The following LARP1B variants were observed in gnomAD, a reference collection of about 807,000 sequenced individuals.
LARP1B encodes the protein La ribonucleoprotein 1B.
Under a neutral mutation model 114.2 loss-of-function variants are expected in LARP1B, and 76 were observed. The ratio of observed to expected loss-of-function variants is 0.67; its 90% CI spans 0.55 to 0.81. The LOEUF is 0.81. Ranked by LOEUF, LARP1B falls within the 30% of genes least tolerant of loss-of-function variation. The pLI, the probability that LARP1B is intolerant of heterozygous loss-of-function variation, is 0.00. For missense variants in LARP1B, 1,014 were observed against 1,075.8 expected, an observed-to-expected ratio of 0.94 and a Z score of 0.80; for synonymous variants, 345 against 348.0, an observed-to-expected ratio of 0.99 and a Z score of 0.10.
At chr4:128,177,468 T>A (rs1746739043) in intron 13 of LARP1B, among the ~76,000 whole-genome samples, 1 of 152,146 alleles carries the variant, frequency 6.6e-6, no homozygotes, top group Admixed American at 6.5e-5. Flanking sequence ...TTGTTTGTTA[T>A]CTTACCATAA....
At chr4:128,068,876 C>A in intron 1 of LARP1B, 1 of 419,014 alleles carries the variant, frequency 2.4e-6, no homozygotes, top group Non-Finnish European at 4.3e-6. Context: ...AGCATTATTG[C>A]ACTTTAACTT....
intron 11 of LARP1B, among the ~76,000 whole-genome samples, chr4:128,131,320 GATAACAGGTTAGGAGAAA>G (rs1261046878): frequency 5.3e-5 from 8 of 152,096 alleles, no homozygotes; most frequent in Admixed American, 5.2e-4. Context: ...CCTAAAGAAA[GATAACAGGTTAGGAGAAA>G]ATATTTGCAA....
intron 15 of LARP1B, among the ~76,000 whole-genome samples, chr4:128,181,840 C>T (rs1343383736): frequency 8.2e-6 from 1 of 122,490 alleles, no homozygotes; most frequent in Non-Finnish European, 1.6e-5. Flanking sequence ...AAGTCTCGCT[C>T]TGTCGCCCAG....
rs139181788 is a variant in LARP1B, at chr4:128,202,578, A to G, written c.2309+1913A>G. Among the ~76,000 whole-genome samples, 776 of 152,260 alleles carry G rather than the reference A, an allele frequency of 5.1e-3. 8 individuals carry two copies. The highest frequency in any genetic ancestry group is 8.4e-3 in the Non-Finnish European group (571 of 67,998). On this transcript the variant is annotated intron_variant, in intron 17 of 19. Coordinates refer to ENST00000326639, the MANE Select transcript of LARP1B (RefSeq NM_018078.4). Reference sequence around the variant, plus strand: ...CCATTGTTTTAATTGATCTCAGACTATTTTGCTATTTATGCAATTTCTGTT... The same window carrying G: ...CCATTGTTTTAATTGATCTCAGACTGTTTTGCTATTTATGCAATTTCTGTT...
At chr4:128,183,004 T>C (rs1440964402) in intron 15 of LARP1B, among the ~76,000 whole-genome samples, 1 of 152,060 alleles carries the variant, frequency 6.6e-6, no homozygotes, top group Admixed American at 6.6e-5. Flanking sequence ...AGAAGAAAAG[T>C]TGGAAGCTAG....
chr4:128,064,143 G>A (rs1485400044), intron 1 of LARP1B, among the ~76,000 whole-genome samples: 1 of 151,090 alleles, frequency 6.6e-6, no homozygotes, highest in Non-Finnish European at 1.5e-5. Context: ...ATGGTGGTGC[G>A]TGCCTGTAAT....
At chr4:128,131,954 G>C (rs1468742014) in intron 11 of LARP1B, among the ~76,000 whole-genome samples, 1 of 152,180 alleles carries the variant, frequency 6.6e-6, no homozygotes, top group African/African-American at 2.4e-5. Flanking sequence ...ATACTCTGCT[G>C]CTGGGAATGT....
intron 15 of LARP1B, among the ~76,000 whole-genome samples, chr4:128,190,670 G>T (rs1017894408): frequency 1.3e-5 from 2 of 152,146 alleles, no homozygotes; most frequent in Non-Finnish European, 2.9e-5. Context: ...AAGGGTGCCT[G>T]CTTCCCCTCC....
chr4:128,084,143 G>A (rs1390036974), intron 5 of LARP1B, among the ~76,000 whole-genome samples: 1 of 152,016 alleles, frequency 6.6e-6, no homozygotes, highest in African/African-American at 2.4e-5. Context: ...TTCCAGACTG[G>A]GCAGCCAGGC....
intron 15 of LARP1B, among the ~76,000 whole-genome samples, chr4:128,180,451 C>T (rs764095773): frequency 1.3e-5 from 2 of 152,162 alleles, no homozygotes; most frequent in Non-Finnish European, 2.9e-5. Context: ...TAGTGATACA[C>T]ATTTGATTAT....
In LARP1B at chr4:128,098,768, T is replaced by TATATATATATG. The variant is rs58280279; in HGVS notation, c.813+438_813+439insATATATATATG. Reference sequence around the variant, plus strand: ...ATGTGTATATATATATATATATATATTTTTTTTTTTTTTTTTTTTTTTTTT... The same window carrying TATATATATATG: ...ATGTGTATATATATATATATATATATATATATATATGTTTTTTTTTTTTTTTTTTTTTTTTT... On this transcript the variant is annotated intron_variant, in intron 8 of 19. Transcript: ENST00000326639. 3.2e-4 allele frequency among the ~76,000 whole-genome samples: 6 copies of TATATATATATG among 18,890 alleles called. 1 individual carries two copies. The highest frequency in any genetic ancestry group is 2.2e-3 in the East Asian group (1 of 454). 12.4% of individuals were successfully genotyped at this position (18,890 alleles called of 152,430 possible).
At chr4:128,073,578 T>G (rs1236483919) in intron 1 of LARP1B, among the ~76,000 whole-genome samples, 5 of 17,734 alleles carry the variant, frequency 2.8e-4, no homozygotes, top group African/African-American at 7.9e-4. Context: ...TGTCGTTTTT[T>G]TTTTTTTTTT....
intron 15 of LARP1B, among the ~76,000 whole-genome samples, chr4:128,190,636 ACTCT>A (rs1751955902): frequency 6.6e-6 from 1 of 151,484 alleles, no homozygotes; most frequent in African/African-American, 2.4e-5. Context: ...CTTCACACAT[ACTCT>A]CTCTCACCTG....
chr4:128,209,770 CT>C, intron 19 of LARP1B, 85 bp from the exon 20 acceptor site: 2 of 957,454 alleles, frequency 2.1e-6, no homozygotes, highest in South Asian at 1.4e-5. Context: ...ATTTAACTTA[CT>C]TTTTTGGGGA....
rs796695718 is a variant in LARP1B, at chr4:128,065,269, C to A, written c.-78+3868C>A. Among the ~76,000 whole-genome samples the A allele has an allele frequency of 8.1e-3, 810 of 100,596 alleles. 8 individuals carry two copies. The highest frequency in any genetic ancestry group is 0.023 in the African/African-American group (660 of 29,256). 66.0% of individuals were successfully genotyped at this position (100,596 alleles called of 152,430 possible). The stretch of plus-strand genomic sequence containing the variant: ...CCACAATTAATTTCTTTCTTTCTTT[C>A]TTTCTTTCTTTCTTTCTTTCTTTCT... On this transcript the variant is annotated intron_variant, in intron 1 of 19. Transcript: ENST00000326639.
At chr4:128,146,021 G>A (rs1730188549) in intron 11 of LARP1B, among the ~76,000 whole-genome samples, 1 of 152,150 alleles carries the variant, frequency 6.6e-6, no homozygotes, top group Admixed American at 6.5e-5. Context: ...ACCAACTTTA[G>A]TATTACTTAT....
intron 11 of LARP1B, among the ~76,000 whole-genome samples, chr4:128,153,531 C>T (rs1240216608): frequency 6.6e-6 from 1 of 151,970 alleles, no homozygotes; most frequent in Non-Finnish European, 1.5e-5. Context: ...GCCTCGAATT[C>T]CTGACCTCGT....
intron 11 of LARP1B, among the ~76,000 whole-genome samples, chr4:128,128,221 G>T (rs1580766401): frequency 6.6e-6 from 1 of 152,130 alleles, no homozygotes; most frequent in African/African-American, 2.4e-5. Context: ...TTTGATGGTG[G>T]TTTTTCATAT....
intron 8 of LARP1B, 86 bp downstream of exon 8, chr4:128,098,416 AACAG>A (rs1778834607): frequency 1.2e-5 from 14 of 1,143,574 alleles, no homozygotes; most frequent in African/African-American, 3.1e-5. Context: ...GAGTACTAAA[AACAG>A]ACAATCTGTA....
Sources: gnomAD v4.1 joint callset for allele counts (sites outside exome capture counted in the v4.1 genomes callset) on GRCh38, gnomAD v4.1.1 for gene constraint, MANE v1.5 for transcripts, NCBI Gene and HGNC (gene_info 2026-07-23, HGNC 2026-07-21) for gene names.